Variants in DOCK10 observed in about 807,000 individuals in gnomAD.
The protein encoded by DOCK10 is dedicator of cytokinesis protein 10.
DOCK10 carries 145 observed loss-of-function variants against 280.1 expected under a neutral mutation model. The ratio of observed to expected loss-of-function variants is 0.52; its 90% confidence interval spans 0.45 to 0.59. The LOEUF is 0.59. Among genes scored for constraint, DOCK10 ranks in the 20% least tolerant of loss-of-function variants. The pLI is 0.00. For missense variants in DOCK10, 2,368 were observed against 2,651.7 expected (o/e 0.89, Z 2.35); for synonymous variants, 915 against 942.2 (o/e 0.97, Z 0.53).
chr2:225,041,008 A>AC (rs2106152321), intron 1 of DOCK10, among the ~76,000 whole-genome samples: 1 of 151,952 alleles, frequency 6.6e-6, no homozygotes, highest in South Asian at 2.1e-4. Flanking sequence ...AAGAGAAGGC[A>AC]CCCTGGCCAC....
intron 3 of DOCK10, among the ~76,000 whole-genome samples, chr2:224,913,902 G>GT (rs959729268): frequency 1.4e-4 from 21 of 150,544 alleles, no homozygotes; most frequent in South Asian, 4.2e-4. Context: ...TAATTTTTTG[G>GT]TTTTTTTTTG....
chr2:224,915,596 A>G (rs1239635813), intron 3 of DOCK10, among the ~76,000 whole-genome samples: 2 of 152,222 alleles, frequency 1.3e-5, no homozygotes, highest in Non-Finnish European at 2.9e-5. Context: ...TAAATATGTT[A>G]AGAGCCGAGA....
In DOCK10 at chr2:224,994,657, C is replaced by A. The variant is rs77090987; in HGVS notation, c.123+47595G>T. Among the ~76,000 whole-genome samples the A allele has an allele frequency of 9.9e-3, 1,513 of 152,302 alleles. 24 individuals are homozygous for A. Among genetic ancestry groups the A allele is most frequent in the African/African-American group, 0.033 (1,356 of 41,566 alleles). On this transcript the variant is annotated intron_variant, in intron 1 of 55. Coordinates refer to ENST00000258390, the MANE Select transcript of DOCK10 (RefSeq NM_014689.3). ...GCTCCTTGGAAAGAGGTCACTGGTA[C>A]ACATCCAGTGTCGACAGACAAGATC...
chr2:225,014,820 A>C (rs541603665), intron 1 of DOCK10, among the ~76,000 whole-genome samples: 211 of 152,340 alleles, frequency 1.4e-3, no homozygotes, highest in Non-Finnish European at 2.6e-3. Context: ...TGTGAAGGTT[A>C]TTCCTTAATT....
chr2:224,875,831 G>A (rs11892755), intron 8 of DOCK10, among the ~76,000 whole-genome samples: 2,320 of 152,256 alleles, frequency 0.015, 54 homozygotes, highest in African/African-American at 0.053. Context: ...GCCTCAGATC[G>A]TTGCCAGTTG....
chr2:224,871,520 G>C (rs1043941955), intron 11 of DOCK10, among the ~76,000 whole-genome samples: 1 of 152,092 alleles, frequency 6.6e-6, no homozygotes, highest in African/African-American at 2.4e-5. Flanking sequence ...CCATTGAATA[G>C]CTTCCAATCA....
At chr2:224,785,729 C>G (rs1032565961) in intron 50 of DOCK10, among the ~76,000 whole-genome samples, 1 of 152,192 alleles carries the variant, frequency 6.6e-6, no homozygotes, top group Non-Finnish European at 1.5e-5. Flanking sequence ...ATCCGCCCGC[C>G]TCAGCCTCTC....
intron 7 of DOCK10, among the ~76,000 whole-genome samples, chr2:224,878,209 CACA>C (rs1041418731): frequency 1.3e-4 from 20 of 152,274 alleles, no homozygotes; most frequent in African/African-American, 4.6e-4. Flanking sequence ...TTTCAACAAT[CACA>C]ACAACAAGAT....
At chr2:224,841,070 G>T (rs1026202761) in intron 23 of DOCK10, among the ~76,000 whole-genome samples, 8 of 152,162 alleles carry the variant, frequency 5.3e-5, no homozygotes, top group African/African-American at 1.4e-4. Flanking sequence ...TGAATTCATA[G>T]AAGTAGAGAG....
chr2:224,832,431 C>T (rs978667000), intron 26 of DOCK10, among the ~76,000 whole-genome samples: 4 of 152,176 alleles, frequency 2.6e-5, no homozygotes, highest in African/African-American at 9.7e-5. Context: ...GGATTATATC[C>T]TGTTTTAAGT....
At chr2:224,922,917 A>T (rs756336302) in intron 2 of DOCK10, among the ~76,000 whole-genome samples, 13 of 152,192 alleles carry the variant, frequency 8.5e-5, no homozygotes, top group Non-Finnish European at 1.9e-4. Flanking sequence ...CTATTAACTA[A>T]AACTTTGTGA....
At chr2:224,941,779 G>A (rs539552540) in intron 1 of DOCK10, among the ~76,000 whole-genome samples, 3 of 151,524 alleles carry the variant, frequency 2.0e-5, no homozygotes, top group Admixed American at 6.6e-5. Flanking sequence ...GGGAGGCAGA[G>A]GTTGCAGTGA....
chr2:224,804,999 T>C (rs1693292644), intron 37 of DOCK10, 59 bp downstream of exon 37: 1 of 1,434,092 alleles, frequency 7.0e-7, no homozygotes, highest in African/African-American at 1.4e-5. Flanking sequence ...AAACATGGTA[T>C]AGTGGACTAT....
chr2:224,900,060 C>G (rs571177965), intron 3 of DOCK10, among the ~76,000 whole-genome samples: 2 of 152,162 alleles, frequency 1.3e-5, no homozygotes, highest in Non-Finnish European at 2.9e-5. Flanking sequence ...ACTTTCTGAT[C>G]TGGAGGTTTC....
intron 48 of DOCK10, among the ~76,000 whole-genome samples, chr2:224,788,663 T>C (rs1278838651): frequency 2.0e-5 from 3 of 152,212 alleles, no homozygotes; most frequent in Admixed American, 2.0e-4. Context: ...AAAATAACTC[T>C]GGTTATTTTC....
chr2:224,867,105 C>CACACAT (rs1215784754), intron 11 of DOCK10, among the ~76,000 whole-genome samples: 6 of 151,152 alleles, frequency 4.0e-5, no homozygotes, highest in Non-Finnish European at 7.4e-5. Context: ...CACACACACA[C>CACACAT]ACAAAATTTA....
At chr2:225,014,622 T>A (rs1376561080) in intron 1 of DOCK10, among the ~76,000 whole-genome samples, 2 of 152,174 alleles carry the variant, frequency 1.3e-5, no homozygotes, top group African/African-American at 4.8e-5. Context: ...ATAATATGTT[T>A]TAAATTCTTT....
rs148400570 is a variant in DOCK10, at chr2:225,023,177, A to C, written c.123+19075T>G. ...CAGCCTCCCGAGTAGCTGGAATTAC[A>C]GGCGCCCACCACCACGCCTGGCTGA... On this transcript the variant is annotated intron_variant, in intron 1 of 55. Transcript: ENST00000258390. 9.4e-3 allele frequency among the ~76,000 whole-genome samples: 1,423 copies of C among 152,078 alleles called. 11 individuals are homozygous for C. The highest frequency in any genetic ancestry group is 0.014 in the Middle Eastern group (4 of 294).
chr2:225,027,543 C>T (rs1689950509), intron 1 of DOCK10, among the ~76,000 whole-genome samples: 1 of 152,068 alleles, frequency 6.6e-6, no homozygotes, highest in Non-Finnish European at 1.5e-5. Flanking sequence ...CACCATCCGC[C>T]CTGGTACTGT....
Sources: allele counts gnomAD v4.1 joint callset (sites outside exome capture counted in the v4.1 genomes callset), GRCh38; gene constraint gnomAD v4.1.1; transcripts MANE v1.5; gene names NCBI Gene and HGNC (gene_info 2026-07-23, HGNC 2026-07-21).